PSMA1: variants seen among roughly 807,000 people sequenced by gnomAD.
PSMA1 encodes the protein proteasome subunit alpha type-1.
PSMA1 carries 3 observed loss-of-function variants against 38.4 expected under a neutral mutation model. The observed-to-expected ratio is 0.08, with a 90% CI of 0.04 to 0.20. The LOEUF (loss-of-function observed/expected upper bound fraction) is 0.20, where lower values mean the gene tolerates loss of function less well. PSMA1 is among the 10% of genes least tolerant of loss of function. The pLI, the probability that PSMA1 is intolerant of heterozygous loss-of-function variation, is 1.00. For synonymous variants in PSMA1, 101 were observed against 107.1 expected (o/e 0.94, Z 0.35); for missense variants, 227 against 325.3 (o/e 0.70, Z 2.32).
intron 2 of PSMA1, among the ~76,000 whole-genome samples, chr11:14,574,811 A>G (rs539372621): frequency 6.6e-6 from 1 of 152,256 alleles, no homozygotes; most frequent in East Asian, 1.9e-4. Flanking sequence ...TCCTTTATAA[A>G]TTACCGAGTC....
chr11:14,580,974 T>C (rs1852275132), intron 2 of PSMA1, among the ~76,000 whole-genome samples: 1 of 152,184 alleles, frequency 6.6e-6, no homozygotes. Flanking sequence ...GAATGACAGA[T>C]GAACTACAGA....
intron 2 of PSMA1, among the ~76,000 whole-genome samples, chr11:14,567,800 G>T (rs191423240): frequency 4.7e-4 from 71 of 152,138 alleles, no homozygotes; most frequent in Middle Eastern, 3.4e-3. Flanking sequence ...TGGTGATTTT[G>T]CTCTTTACAA....
At chr11:14,533,981 G>A (rs1453578075) in intron 2 of PSMA1, among the ~76,000 whole-genome samples, 8 of 152,042 alleles carry the variant, frequency 5.3e-5, no homozygotes, top group African/African-American at 1.7e-4. Context: ...AGGAGTTTGA[G>A]ACCAGCCTGA....
intron 4 of PSMA1, among the ~76,000 whole-genome samples, chr11:14,516,429 T>A (rs984876759): frequency 6.6e-6 from 1 of 152,194 alleles, no homozygotes; most frequent in Non-Finnish European, 1.5e-5. Context: ...CTCAAATTCT[T>A]GACCTTAAGC....
intron 1 of PSMA1, among the ~76,000 whole-genome samples, chr11:14,627,164 C>T (rs1852921709): frequency 6.6e-6 from 1 of 152,178 alleles, no homozygotes; most frequent in Admixed American, 6.5e-5. Flanking sequence ...TTAAAGGCTC[C>T]ATTTCCTAAT....
chr11:14,531,981 C>T (rs1049957120), intron 2 of PSMA1, among the ~76,000 whole-genome samples: 1 of 152,058 alleles, frequency 6.6e-6, no homozygotes, highest in East Asian at 1.9e-4. Context: ...CTTGCTGTTC[C>T]CCTGCCCACA....
chr11:14,555,721 A>G (rs1420304524), intron 2 of PSMA1, among the ~76,000 whole-genome samples: 2 of 152,124 alleles, frequency 1.3e-5, no homozygotes, highest in Admixed American at 1.3e-4. Flanking sequence ...CCTCTCCAAC[A>G]TAAACCCTTC....
chr11:14,593,612 ATGAGAGAGAG>A (rs1485893649), intron 2 of PSMA1, among the ~76,000 whole-genome samples: 3 of 58,390 alleles, frequency 5.1e-5, no homozygotes, highest in Non-Finnish European at 1.1e-4. Context: ...AGGAGGAAAA[ATGAGAGAGAG>A]AGAGAGAGAG....
At chr11:14,515,929 C>T (rs1381492069) in intron 4 of PSMA1, among the ~76,000 whole-genome samples, 1 of 151,542 alleles carries the variant, frequency 6.6e-6, no homozygotes, top group African/African-American at 2.4e-5. Flanking sequence ...GGGTCTCACT[C>T]GGCTAGGTGC....
At chr11:14,548,172 G>A (rs1439597213) in intron 2 of PSMA1, among the ~76,000 whole-genome samples, 1 of 152,058 alleles carries the variant, frequency 6.6e-6, no homozygotes, top group East Asian at 1.9e-4. Context: ...CCTACTAAGT[G>A]CTACTTTTTT....
At chr11:14,598,114 C>G (rs1044314597) in intron 2 of PSMA1, among the ~76,000 whole-genome samples, 1 of 152,086 alleles carries the variant, frequency 6.6e-6, no homozygotes, top group Non-Finnish European at 1.5e-5. Context: ...GTCTGAGAGA[C>G]AGTTTGTTAT....
At chr11:14,612,249 T>C (rs1055408189) in intron 1 of PSMA1, among the ~76,000 whole-genome samples, 10 of 152,242 alleles carry the variant, frequency 6.6e-5, no homozygotes, top group Admixed American at 6.5e-4. Context: ...TTTCAGTTTT[T>C]GCTAACCATG....
chr11:14,573,291 GCAC>G (rs1852169505), intron 2 of PSMA1, among the ~76,000 whole-genome samples: 1 of 152,194 alleles, frequency 6.6e-6, no homozygotes, highest in Admixed American at 6.5e-5. Context: ...GAATCCAGCA[GCAC>G]ATCAAAAAGC....
intron 2 of PSMA1, among the ~76,000 whole-genome samples, chr11:14,554,302 A>C (rs1278701524): frequency 6.6e-6 from 1 of 152,162 alleles, no homozygotes; most frequent in Non-Finnish European, 1.5e-5. Flanking sequence ...TTTACAGAGC[A>C]AAAGTTTTAA....
At chr11:14,515,611 T>C (rs1167617904) in intron 4 of PSMA1, among the ~76,000 whole-genome samples, 2 of 151,552 alleles carry the variant, frequency 1.3e-5, no homozygotes, top group South Asian at 2.1e-4. Context: ...TGGAGTGCAA[T>C]GGCATGATCT....
chr11:14,575,082 T>C (rs1382170963), intron 2 of PSMA1, among the ~76,000 whole-genome samples: 2 of 152,116 alleles, frequency 1.3e-5, no homozygotes, highest in East Asian at 3.9e-4. Flanking sequence ...GCTGCGGTGA[T>C]CTCAGATTGA....
At chr11:14,579,990 T>C (rs982230050) in intron 2 of PSMA1, among the ~76,000 whole-genome samples, 5 of 152,208 alleles carry the variant, frequency 3.3e-5, no homozygotes, top group Non-Finnish European at 7.3e-5. Flanking sequence ...TCTGCAGTGA[T>C]AATGGAGGCC....
intron 2 of PSMA1, among the ~76,000 whole-genome samples, chr11:14,579,787 AT>A (rs1282100826): frequency 6.6e-6 from 1 of 152,184 alleles, no homozygotes; most frequent in Non-Finnish European, 1.5e-5. Flanking sequence ...CAAGAGGGGC[AT>A]GTGATGCAAA....
At chr11:14,576,562 T>C (rs548996364) in intron 2 of PSMA1, among the ~76,000 whole-genome samples, 1 of 152,358 alleles carries the variant, frequency 6.6e-6, no homozygotes, top group Non-Finnish European at 1.5e-5. Context: ...CTTGTTTTTG[T>C]CAGGTTTGTC....
Sources: gnomAD v4.1 joint callset for allele counts (sites outside exome capture counted in the v4.1 genomes callset) on GRCh38, gnomAD v4.1.1 for gene constraint, MANE v1.5 for transcripts, NCBI Gene and HGNC (gene_info 2026-07-23, HGNC 2026-07-21) for gene names.